ATOX1: variants seen among roughly 807,000 people sequenced by gnomAD.
ATOX1 encodes antioxidant 1 copper chaperone.
In ATOX1, 4 loss-of-function variants were observed where a neutral mutation model predicts 7.3. The ratio of observed to expected loss-of-function variants is 0.55; its 90% CI spans 0.27 to 1.25. ATOX1 has a LOEUF of 1.25. Among genes scored for constraint, ATOX1 ranks in the 50% most tolerant of loss-of-function variants. The probability of loss-of-function intolerance (pLI) is 0.12; values close to 1 mark genes in which losing one functional copy is unlikely to be tolerated. For synonymous variants in ATOX1, 25 were observed against 28.7 expected, an observed-to-expected ratio of 0.87 and a Z score of 0.41; for missense variants, 68 against 81.6, an observed-to-expected ratio of 0.83 and a Z score of 0.64.
chr5:151,757,595 T>A (rs1241077130), intron 1 of ATOX1, among the ~76,000 whole-genome samples: 1 of 152,228 alleles, frequency 6.6e-6, no homozygotes, highest in Non-Finnish European at 1.5e-5. Flanking sequence ...GGTATCCACC[T>A]GGCCCAGAGC....
At chr5:151,752,143 G>T in intron 1 of ATOX1, 3 of 637,284 alleles carry the variant, frequency 4.7e-6, no homozygotes, top group Non-Finnish European at 8.5e-6. Context: ...CTCTGACAGG[G>T]ATGGGCCCCC....
Position 151,746,122 on chromosome 5 carries a change from T to C in ATOX1, c.*46+157A>G, listed in dbSNP as rs28917209. On this transcript the variant is annotated intron_variant, in intron 3 of 3. Coordinates refer to ENST00000313115, the MANE Select transcript of ATOX1 (RefSeq NM_004045.4). ...ACTTGTGATTTGCATTAGACAATAA[T>C]AAAATATTTGTAACCACTCCAAAGA... The C allele has an allele frequency of 8.9e-3, 5,296 of 593,272 alleles. 242 individuals carry two copies. In the African/African-American group the frequency reaches 0.092, roughly 10 times the overall value. 36.8% of individuals were successfully genotyped at this position (593,272 alleles called of 1,614,324 possible). A position where few individuals can be genotyped will look rare whatever the true frequency, so the allele number is the denominator to read the frequency against.
At chr5:151,752,200 A>T in intron 1 of ATOX1, 1 of 701,308 alleles carries the variant, frequency 1.4e-6, no homozygotes, top group Non-Finnish European at 2.6e-6. Flanking sequence ...TGAACCACAA[A>T]ATTATTTTCT....
At chr5:151,750,615 C>G (rs1322525692) in intron 2 of ATOX1, among the ~76,000 whole-genome samples, 4 of 144,004 alleles carry the variant, frequency 2.8e-5, no homozygotes, top group Non-Finnish European at 4.6e-5. Flanking sequence ...AAATTTTTAC[C>G]TTTTTTTAAA....
intron 2 of ATOX1, 48 bp downstream of exon 2, chr5:151,751,656 G>A (rs1457537326): frequency 6.4e-7 from 1 of 1,552,126 alleles, no homozygotes; most frequent in Admixed American, 1.9e-5. Flanking sequence ...ACATCTGCAT[G>A]CATCTGAACA....
At chr5:151,755,638 C>G (rs1172895214) in intron 1 of ATOX1, among the ~76,000 whole-genome samples, 6 of 152,146 alleles carry the variant, frequency 3.9e-5, no homozygotes, top group African/African-American at 1.4e-4. Context: ...CCATCCCCCA[C>G]AGTATAAAGG....
Position 151,746,264 on chromosome 5 carries a change from T to TGGG in ATOX1, c.*46+12_*46+14dup. ...AGCTGTAGGTTTGTTCAGCAAGTGCTGGGGCCTTACCCACCTGCCCCCTTT... is the reference window on the plus strand; with the variant it reads ...AGCTGTAGGTTTGTTCAGCAAGTGCTGGGGGGGCCTTACCCACCTGCCCCCTTT... On this transcript the variant is annotated intron_variant, in intron 3 of 3. Coordinates refer to ENST00000313115, the MANE Select transcript of ATOX1 (RefSeq NM_004045.4). 1.2e-6 allele frequency: 2 copies of TGGG among 1,601,384 alleles called. No homozygotes were observed. The highest frequency in any genetic ancestry group is 2.2e-5 in the South Asian group (2 of 89,734).
intron 1 of ATOX1, among the ~76,000 whole-genome samples, chr5:151,752,857 CG>C (rs1295653226): frequency 6.6e-6 from 1 of 152,024 alleles, no homozygotes; most frequent in African/African-American, 2.4e-5. Flanking sequence ...ATTTTAAGTA[CG>C]GTTAGCCAGC....
In ATOX1 at chr5:151,751,693, C is replaced by T. The variant is rs1330470147; in HGVS notation, c.82+11G>A. On this transcript the variant is annotated intron_variant, in intron 2 of 3. Coordinates refer to ENST00000313115, the MANE Select transcript of ATOX1 (RefSeq NM_004045.4). ...GGCATAAGTGCACCCAACTCAGGGC[C>T]ACTCACTCACCTCCAAGCTTATTGA... 1 of 1,598,908 alleles carries T rather than the reference C, an allele frequency of 6.3e-7. No homozygotes were observed.
intron 1 of ATOX1, among the ~76,000 whole-genome samples, chr5:151,757,324 G>A (rs1273074241): frequency 6.6e-6 from 1 of 152,148 alleles, no homozygotes. Flanking sequence ...AAATCCTGGT[G>A]GCCTTCACTC....
At chr5:151,753,625 A>G (rs1004320521) in intron 1 of ATOX1, among the ~76,000 whole-genome samples, 1 of 152,146 alleles carries the variant, frequency 6.6e-6, no homozygotes, top group African/African-American at 2.4e-5. Flanking sequence ...CCAGTTCCCT[A>G]ATCTATACCA....
In ATOX1 at chr5:151,757,721, T is replaced by A. The variant is rs998706960; in HGVS notation, c.6+825A>T. 1.1e-4 allele frequency among the ~76,000 whole-genome samples: 17 copies of A among 152,282 alleles called. No individual in the cohort carries two copies. In the East Asian group the frequency reaches 1.9e-3, roughly 17 times the overall value. On this transcript the variant is annotated intron_variant, in intron 1 of 3. Transcript: ENST00000313115. ...GACTGCTTTTGCCTGGCACCTCCCA[T>A]GTGGTCAGGCCTGGAGAGATGGGGA... is the stretch of plus-strand genomic sequence containing the variant.
chr5:151,746,888 C>A (rs372635870), intron 2 of ATOX1, among the ~76,000 whole-genome samples: 3 of 152,168 alleles, frequency 2.0e-5, no homozygotes, highest in African/African-American at 4.8e-5. Context: ...CGTATGCCAC[C>A]ACACCTGGTT....
chr5:151,746,217 G>A (rs1761876807), intron 3 of ATOX1, 62 bp downstream of exon 3: 1 of 1,466,448 alleles, frequency 6.8e-7, no homozygotes, highest in African/African-American at 1.4e-5. Flanking sequence ...AGGCCAAGGT[G>A]TTCGCTCTGA....
chr5:151,747,199 C>A (rs924559965), intron 2 of ATOX1, among the ~76,000 whole-genome samples: 1 of 151,884 alleles, frequency 6.6e-6, no homozygotes, highest in Non-Finnish European at 1.5e-5. Flanking sequence ...CCTAGATAGA[C>A]AAATGAAAAA....
At chr5:151,750,899 C>T (rs2915823) in intron 2 of ATOX1, among the ~76,000 whole-genome samples, 81,010 of 151,524 alleles carry the variant, frequency 0.53, 22,385 homozygotes, top group East Asian at 0.68. Context: ...GCAATCTGCC[C>T]GCCTCAGCCT....
intron 3 of ATOX1, 127 bp downstream of exon 3, chr5:151,746,152 G>A (rs1761876215): frequency 1.3e-6 from 1 of 764,734 alleles, no homozygotes; most frequent in Non-Finnish European, 2.0e-6. Context: ...CAAAGAAGGT[G>A]GACAGTGGAT....
chr5:151,744,370 G>A (rs535746962), intron 3 of ATOX1: 1 of 152,108 alleles, frequency 6.6e-6, no homozygotes, highest in Non-Finnish European at 1.5e-5. Context: ...CATCACCAAG[G>A]TTTGATTTTT....
chr5:151,750,512 A>AG (rs1761934342), intron 2 of ATOX1, among the ~76,000 whole-genome samples: 1 of 151,326 alleles, frequency 6.6e-6, no homozygotes, highest in East Asian at 1.9e-4. Context: ...TTCATCTCAA[A>AG]AAAAAAAAAA....
Sources: gnomAD v4.1 joint callset for allele counts (sites outside exome capture counted in the v4.1 genomes callset) on GRCh38, gnomAD v4.1.1 for gene constraint, MANE v1.5 for transcripts, NCBI Gene and HGNC (gene_info 2026-07-23, HGNC 2026-07-21) for gene names.